PDE1A: variants seen among roughly 807,000 people sequenced by gnomAD.
The protein encoded by PDE1A is dual specificity calcium/calmodulin-dependent 3',5'-cyclic nucleotide phosphodiesterase 1A.
In PDE1A, 35 loss-of-function variants were observed where a neutral mutation model predicts 61.7. The ratio of observed to expected loss-of-function variants is 0.57; its 90% CI spans 0.43 to 0.75. PDE1A has a LOEUF of 0.75. Among genes scored for constraint, PDE1A ranks in the 30% least tolerant of loss-of-function variants. The probability of loss-of-function intolerance (pLI) is 0.00; values close to 1 mark genes in which losing one functional copy is unlikely to be tolerated. For missense variants in PDE1A, 597 were observed against 630.6 expected, an observed-to-expected ratio of 0.95 and a Z score of 0.57; for synonymous variants, 232 against 213.2, an observed-to-expected ratio of 1.09 and a Z score of -0.77.
In PDE1A at chr2:182,268,809, T is replaced by C. The variant is rs116207482; in HGVS notation, c.54-4395A>G. On this transcript the variant is annotated intron_variant, in intron 1 of 13. Coordinates refer to ENST00000351439, the Ensembl canonical transcript of PDE1A. ...GTCCTTTGAAGATGCCTGTTCATTG[T>C]GATCACTCCCTACATAGAAACTAAG... Among the ~76,000 whole-genome samples the C allele has an allele frequency of 8.8e-3, 1,341 of 152,222 alleles. 11 individuals carry two copies. The highest frequency in any genetic ancestry group is 0.011 in the Non-Finnish European group (760 of 68,004).
chr2:182,387,643 G>T (rs1006739371), intron 1 of PDE1A, among the ~76,000 whole-genome samples: 2 of 151,982 alleles, frequency 1.3e-5, no homozygotes, highest in East Asian at 1.9e-4. Flanking sequence ...TGTAATCCCA[G>T]ATACTTGGGA....
intron 2 of PDE1A, chr2:182,241,850 G>T: frequency 6.5e-7 from 1 of 1,547,800 alleles, no homozygotes; most frequent in East Asian, 2.3e-5. Context: ...GGATGGTTTT[G>T]ATTTACCCCT....
At chr2:182,350,383 G>C (rs1041806494) in intron 1 of PDE1A, among the ~76,000 whole-genome samples, 20 of 152,086 alleles carry the variant, frequency 1.3e-4, no homozygotes, top group African/African-American at 4.8e-4. Context: ...TCCTTGGAGT[G>C]GAATTGCTGG....
intron 7 of PDE1A, among the ~76,000 whole-genome samples, chr2:182,210,543 T>C (rs1176076798): frequency 6.6e-6 from 1 of 152,220 alleles, no homozygotes; most frequent in Non-Finnish European, 1.5e-5. Flanking sequence ...TTTGTATATT[T>C]TGGATAACAG....
At chr2:182,397,155 C>A (rs532856755) in intron 1 of PDE1A, among the ~76,000 whole-genome samples, 1 of 152,088 alleles carries the variant, frequency 6.6e-6, no homozygotes, top group Non-Finnish European at 1.5e-5. Flanking sequence ...TTCAACGATA[C>A]ATACAGTATA....
intron 1 of PDE1A, among the ~76,000 whole-genome samples, chr2:182,303,234 T>G (rs565793124): frequency 6.6e-6 from 1 of 152,346 alleles, no homozygotes; most frequent in East Asian, 1.9e-4. Flanking sequence ...ATGGCAGCTA[T>G]AGCCTTACGA....
At chr2:182,637,110 T>C in the PDE1A span, among the ~76,000 whole-genome samples, 1 of 152,254 alleles carries the variant, frequency 6.6e-6, no homozygotes, top group Non-Finnish European at 1.5e-5. Context: ...TATTTTAATG[T>C]CTGTAACATT....
At chr2:182,656,881 T>G in the PDE1A span, among the ~76,000 whole-genome samples, 1 of 152,178 alleles carries the variant, frequency 6.6e-6, no homozygotes, top group African/African-American at 2.4e-5. Context: ...TTCTTTTCTC[T>G]TATCTATGTT....
chr2:182,630,102 T>C, the PDE1A span, among the ~76,000 whole-genome samples: 1 of 152,196 alleles, frequency 6.6e-6, no homozygotes, highest in Non-Finnish European at 1.5e-5. Flanking sequence ...ATTATAGTAT[T>C]AATCTTCTGT....
intron 1 of PDE1A, among the ~76,000 whole-genome samples, chr2:182,426,061 A>G (rs1703601430): frequency 6.6e-6 from 1 of 152,162 alleles, no homozygotes; most frequent in South Asian, 2.1e-4. Context: ...ACAGTGTAAA[A>G]TTTTTCCTAT....
the PDE1A span, among the ~76,000 whole-genome samples, chr2:182,641,714 AGTTTTTCTGAG>A: frequency 6.9e-6 from 1 of 145,104 alleles, no homozygotes; most frequent in Admixed American, 7.3e-5. Context: ...ACCTCTACAA[AGTTTTTCTGAG>A]GTTACAAGCA....
At chr2:182,350,504 A>G (rs756548941) in intron 1 of PDE1A, among the ~76,000 whole-genome samples, 6 of 152,232 alleles carry the variant, frequency 3.9e-5, no homozygotes, top group South Asian at 2.1e-4. Flanking sequence ...TGTACAGGTT[A>G]CAGTGCAAAA....
chr2:182,624,100 G>C, the PDE1A span, among the ~76,000 whole-genome samples: 2 of 150,132 alleles, frequency 1.3e-5, no homozygotes, highest in African/African-American at 4.9e-5. Context: ...ACTCCAGCCT[G>C]GGGGACAGAG....
At chr2:182,568,512 G>A in the PDE1A span, among the ~76,000 whole-genome samples, 2 of 151,980 alleles carry the variant, frequency 1.3e-5, no homozygotes, top group African/African-American at 2.4e-5. Flanking sequence ...TAAAAATACA[G>A]AAAGTTAGCC....
At chr2:182,190,033 C>T (rs1256568391) in intron 10 of PDE1A, among the ~76,000 whole-genome samples, 6 of 152,220 alleles carry the variant, frequency 3.9e-5, no homozygotes, top group Non-Finnish European at 8.8e-5. Flanking sequence ...GGTTTCCTTT[C>T]ACTCTGTTTC....
At chr2:182,208,297 A>C (rs1574698671) in intron 7 of PDE1A, among the ~76,000 whole-genome samples, 1 of 152,186 alleles carries the variant, frequency 6.6e-6, no homozygotes, top group Non-Finnish European at 1.5e-5. Flanking sequence ...CAGGAAACTT[A>C]CAATCATGAT....
At chr2:182,656,176 T>C in the PDE1A span, among the ~76,000 whole-genome samples, 3 of 152,238 alleles carry the variant, frequency 2.0e-5, no homozygotes, top group Non-Finnish European at 2.9e-5. Flanking sequence ...GCCATCATGA[T>C]ACCACATTAC....
chr2:182,263,415 A>G (rs927057868), intron 2 of PDE1A, among the ~76,000 whole-genome samples: 3 of 152,094 alleles, frequency 2.0e-5, no homozygotes, highest in Non-Finnish European at 2.9e-5. Context: ...CTCTTATACC[A>G]TCACTTACTC....
the PDE1A span, among the ~76,000 whole-genome samples, chr2:182,576,603 T>C: frequency 6.6e-6 from 1 of 152,330 alleles, no homozygotes; most frequent in African/African-American, 2.4e-5. Context: ...TGCTGGATTA[T>C]ATGGTACTTC....
Sources: allele counts gnomAD v4.1 joint callset (sites outside exome capture counted in the v4.1 genomes callset), GRCh38; gene constraint gnomAD v4.1.1; transcripts MANE v1.5; gene names NCBI Gene and HGNC (gene_info 2026-07-23, HGNC 2026-07-21).